Variants in TMEM225B observed in about 807,000 individuals in gnomAD.
TMEM225B encodes the protein transmembrane protein 225-like.
In TMEM225B, 10 loss-of-function variants were observed where a neutral mutation model predicts 16.9. The ratio of observed to expected loss-of-function variants is 0.59; its 90% CI spans 0.36 to 1.00. The LOEUF is 1.00. Ranked by LOEUF, TMEM225B falls within the 50% of genes least tolerant of loss-of-function variation. The pLI is 0.01. For synonymous variants in TMEM225B, 92 were observed against 109.8 expected (o/e 0.84, Z 1.01); for missense variants, 217 against 267.0 (o/e 0.81, Z 1.30).
At chr7:99,606,185 G>A (rs372289959) in intron 3 of TMEM225B, among the ~76,000 whole-genome samples, 4 of 152,332 alleles carry the variant, frequency 2.6e-5, no homozygotes, top group East Asian at 1.9e-4. Context: ...ATCCCAGCGC[G>A]TTGAGAGGCC....
chr7:99,604,625 G>A (rs750915415), intron 3 of TMEM225B, 29 bp downstream of exon 3: 2 of 1,512,978 alleles, frequency 1.3e-6, no homozygotes, highest in Non-Finnish European at 1.8e-6. Flanking sequence ...GGGGAGGAGA[G>A]AGAGGGAGAT....
chr7:99,599,516 C>T (rs939667855), intron 1 of TMEM225B, among the ~76,000 whole-genome samples: 13 of 152,196 alleles, frequency 8.5e-5, no homozygotes, highest in Non-Finnish European at 1.5e-4. Flanking sequence ...TGCACCACTG[C>T]ACTCCAGCCT....
intron 4 of TMEM225B, among the ~76,000 whole-genome samples, chr7:99,607,153 AATTTAAAC>A (rs1805886954): frequency 6.6e-6 from 1 of 151,506 alleles, no homozygotes; most frequent in South Asian, 2.1e-4. Context: ...ATTCCTGGCT[AATTTAAAC>A]ATTTTTTTTT....
intron 5 of TMEM225B, among the ~76,000 whole-genome samples, chr7:99,608,640 A>G (rs1299822768): frequency 6.8e-6 from 1 of 147,928 alleles, no homozygotes; most frequent in Non-Finnish European, 1.5e-5. Context: ...CTGGGGCTCA[A>G]GCGATCCTCC....
In TMEM225B at chr7:99,609,808, C is replaced by T. The variant is rs554260546; in HGVS notation, c.494-585C>T. On this transcript the variant is annotated intron_variant, in intron 5 of 5. Coordinates refer to ENST00000431679, the MANE Select transcript of TMEM225B (RefSeq NM_001195541.3). ...GGAGGGCAGTGGTGTGATCATAGCTCACTGCACCCTTGACCTCCTGGGCTC... is the reference window on the plus strand; with the variant it reads ...GGAGGGCAGTGGTGTGATCATAGCTTACTGCACCCTTGACCTCCTGGGCTC... Among the ~76,000 whole-genome samples the T allele has an allele frequency of 2.6e-5, 4 of 152,188 alleles. No homozygotes were observed. In the East Asian group the frequency reaches 5.8e-4, roughly 22 times the overall value.
intron 1 of TMEM225B, among the ~76,000 whole-genome samples, chr7:99,599,264 C>T (rs968914147): frequency 4.6e-5 from 7 of 152,076 alleles, no homozygotes; most frequent in Admixed American, 6.5e-5. Flanking sequence ...CGTGAGCCAC[C>T]GCACCCGGCC....
intron 1 of TMEM225B, 144 bp from the exon 2 acceptor site, chr7:99,600,061 C>G (rs1393307071): frequency 3.2e-6 from 2 of 621,326 alleles, no homozygotes; most frequent in African/African-American, 3.7e-5. Context: ...GGACAAGGTC[C>G]TCATCACTGG....
At chr7:99,609,535 TTCAAGCAATTCTGCCTC>T (rs945419223) in intron 5 of TMEM225B, among the ~76,000 whole-genome samples, 1 of 144,654 alleles carries the variant, frequency 6.9e-6, no homozygotes, top group Admixed American at 6.9e-5. Flanking sequence ...GTCTCCTGGG[TTCAAGCAATTCTGCCTC>T]AGCCTCCCAA....
chr7:99,610,263 C>A, intron 5 of TMEM225B, 130 bp from the exon 6 acceptor site: 1 of 620,500 alleles, frequency 1.6e-6, no homozygotes, highest in Non-Finnish European at 2.7e-6. Flanking sequence ...TGTCTGTAAT[C>A]TCTCTCTGTA....
chr7:99,606,704 G>T, intron 3 of TMEM225B, 44 bp from the exon 4 acceptor site: 1 of 1,529,992 alleles, frequency 6.5e-7, no homozygotes, highest in Non-Finnish European at 8.7e-7. Flanking sequence ...GACCTTTCCG[G>T]GTCAGGGTTC....
intron 2 of TMEM225B, among the ~76,000 whole-genome samples, chr7:99,600,950 G>A (rs78680379): frequency 0.034 from 5,168 of 152,202 alleles, 101 homozygotes; most frequent in South Asian, 0.05. Context: ...GTTGGGGAGA[G>A]GGAAGAACCA....
At chr7:99,602,216 G>A (rs1449560101) in intron 2 of TMEM225B, among the ~76,000 whole-genome samples, 1 of 152,210 alleles carries the variant, frequency 6.6e-6, no homozygotes, top group Non-Finnish European at 1.5e-5. Flanking sequence ...CCTCCCTGCA[G>A]CTCCAATCAC....
At chr7:99,608,858 T>TATACAC in intron 5 of TMEM225B, among the ~76,000 whole-genome samples, 1 of 144,436 alleles carries the variant, frequency 6.9e-6, no homozygotes, top group African/African-American at 2.8e-5. Flanking sequence ...TATATATATA[T>TATACAC]ACACACACAC....
At chr7:99,607,941 C>A in intron 5 of TMEM225B, 131 bp downstream of exon 5, 4 of 991,168 alleles carry the variant, frequency 4.0e-6, no homozygotes, top group Non-Finnish European at 5.7e-6. Flanking sequence ...TTAGACGTGG[C>A]TATTTAACTT....
chr7:99,608,838 CGTAT>C (rs1806070024), intron 5 of TMEM225B, among the ~76,000 whole-genome samples: 1 of 110,018 alleles, frequency 9.1e-6, no homozygotes, highest in Admixed American at 8.3e-5. Flanking sequence ...TGTGTGTGCA[CGTAT>C]ATATATATAT....
Position 99,610,491 on chromosome 7 carries a change from A to G in TMEM225B, c.592A>G (p.Asn198Asp). Residue 198 changes from asparagine (N) to aspartate (D), a missense_variant, in exon 6 of 6, where the codon AAT becomes GAT. Asn to Asp is a conservative substitution (Grantham distance 23). Coordinates refer to ENST00000431679, the MANE Select transcript of TMEM225B (RefSeq NM_001195541.3). ...EEDHGSLYLD[N>D]LESLGGEPSS... Reference sequence around the variant, plus strand: ...GGACCACGGGAGCCTGTACCTGGACAATCTGGAGAGTTTGGGAGGAGAACC... The same window carrying G: ...GGACCACGGGAGCCTGTACCTGGACGATCTGGAGAGTTTGGGAGGAGAACC... 5 of 1,536,118 alleles carry G rather than the reference A, an allele frequency of 3.3e-6. No homozygotes were observed. In the South Asian group the frequency reaches 4.8e-5, roughly 15 times the overall value.
At chr7:99,610,256 C>G in intron 5 of TMEM225B, 137 bp from the exon 6 acceptor site, 1 of 608,148 alleles carries the variant, frequency 1.6e-6, no homozygotes, top group Non-Finnish European at 2.8e-6. Context: ...CGCATCCTGT[C>G]TGTAATCTCT....
At chr7:99,604,329 G>T in intron 2 of TMEM225B, 57 bp from the exon 3 acceptor site, 1 of 1,162,628 alleles carries the variant, frequency 8.6e-7, no homozygotes, top group Non-Finnish European at 1.2e-6. Context: ...TTCCCTCTGT[G>T]CTGCAGGAGA....
In TMEM225B at chr7:99,610,522, C is replaced by T. The variant is rs1322669381; in HGVS notation, c.623C>T (p.Ser208Leu). The T allele has an allele frequency of 1.3e-6, 2 of 1,536,068 alleles. No homozygotes were observed. The highest frequency in any genetic ancestry group is 1.4e-5 in the African/African-American group (1 of 73,142). ...NLESLGGEPS[S>L]VQKETQVTAE... ...GAGAGTTTGGGAGGAGAACCGAGCT[C>T]AGTACAAAAGGAGACACAGGTGACA... The change falls in exon 6 of 6, where the codon TCA (serine) becomes TTA (leucine). Residue 208 changes from serine (S) to leucine (L), a missense_variant. Physicochemically the swap from Ser to Leu is moderately radical, Grantham distance 145. Transcript: ENST00000431679.
Sources: gnomAD v4.1 joint callset for allele counts (sites outside exome capture counted in the v4.1 genomes callset) on GRCh38, gnomAD v4.1.1 for gene constraint, MANE v1.5 for transcripts, NCBI Gene and HGNC (gene_info 2026-07-23, HGNC 2026-07-21) for gene names.